The following CTDSPL variants were observed in gnomAD, a reference collection of about 807,000 sequenced individuals.
CTDSPL encodes CTD small phosphatase like.
A neutral mutation model predicts 30.5 loss-of-function variants in CTDSPL; 8 were observed. The observed-to-expected ratio is 0.26, with a 90% CI of 0.15 to 0.47. The LOEUF is 0.47. Ranked by LOEUF, CTDSPL falls within the 20% of genes least tolerant of loss-of-function variation. CTDSPL has a pLI of 0.99. For missense variants in CTDSPL, 248 were observed against 366.1 expected (o/e 0.68, Z 2.63); for synonymous variants, 110 against 137.9 (o/e 0.80, Z 1.42).
intron 1 of CTDSPL, among the ~76,000 whole-genome samples, chr3:37,898,856 G>A (rs1328015092): frequency 5.3e-5 from 8 of 152,198 alleles, no homozygotes; most frequent in African/African-American, 1.4e-4. Context: ...CTAGTTTTAT[G>A]TGTGGTCAGA....
intron 1 of CTDSPL, among the ~76,000 whole-genome samples, chr3:37,945,744 A>G (rs553148072): frequency 2.0e-5 from 3 of 151,962 alleles, no homozygotes; most frequent in Non-Finnish European, 4.4e-5. Context: ...GTGGATCTTA[A>G]ATTCATACTT....
intron 1 of CTDSPL, among the ~76,000 whole-genome samples, chr3:37,942,017 A>T (rs960323176): frequency 1.3e-5 from 2 of 149,956 alleles, no homozygotes; most frequent in African/African-American, 4.9e-5. Flanking sequence ...ATGCTTCCTG[A>T]CCTCCACTTG....
chr3:37,968,368 A>G (rs183826611), intron 5 of CTDSPL: 2 of 366,900 alleles, frequency 5.5e-6, no homozygotes, highest in Non-Finnish European at 1.1e-5. Flanking sequence ...CAAAAGAAAA[A>G]GGGGGAAGGG....
Position 37,957,113 on chromosome 3 carries a change from T to G in CTDSPL, c.237T>G (p.Gly79=), listed in dbSNP as rs1699183492. ...ATTTTTTTTTTCTTTTTCCTCAGGG[T>G]GACCAGAGGCAGGTCATTCCCATAC... ...LVEENGGLQK[G]DQRQVIPIPS... Residue 79 remains glycine, a splice_region_variant and synonymous_variant, in exon 3 of 8, where the codon GGT becomes GGG. Transcript: ENST00000273179. 1.2e-6 allele frequency: 2 copies of G among 1,600,676 alleles called. No homozygotes were observed. Among genetic ancestry groups the G allele is most frequent in the African/African-American group, 2.7e-5 (2 of 74,152 alleles).
chr3:37,877,231 A>C (rs1452051872), intron 1 of CTDSPL, among the ~76,000 whole-genome samples: 3 of 152,182 alleles, frequency 2.0e-5, no homozygotes, highest in Non-Finnish European at 4.4e-5. Context: ...TTCATATTGC[A>C]AAAACGAAAC....
chr3:37,902,222 G>A (rs1353315982), intron 1 of CTDSPL, among the ~76,000 whole-genome samples: 2 of 152,212 alleles, frequency 1.3e-5, no homozygotes, highest in African/African-American at 4.8e-5. Flanking sequence ...AAGAGTGCGT[G>A]TTTGATGGGT....
At chr3:37,897,931 C>T (rs138419357) in intron 1 of CTDSPL, among the ~76,000 whole-genome samples, 12 of 152,150 alleles carry the variant, frequency 7.9e-5, no homozygotes, top group Admixed American at 3.3e-4. Flanking sequence ...TTTGGAGTGC[C>T]GGTTATACAC....
At chr3:37,953,634 G>C (rs1699135359) in intron 2 of CTDSPL, among the ~76,000 whole-genome samples, 1 of 152,154 alleles carries the variant, frequency 6.6e-6, no homozygotes, top group South Asian at 2.1e-4. Context: ...GTTAATATCA[G>C]ATAAAGCAGA....
intron 1 of CTDSPL, among the ~76,000 whole-genome samples, chr3:37,934,425 G>T (rs1255907641): frequency 6.6e-6 from 1 of 152,066 alleles, no homozygotes; most frequent in Non-Finnish European, 1.5e-5. Context: ...AAACACTTTT[G>T]AATTCTTACT....
intron 2 of CTDSPL, among the ~76,000 whole-genome samples, chr3:37,949,226 A>T (rs149243749): frequency 6.6e-6 from 1 of 152,222 alleles, no homozygotes; most frequent in African/African-American, 2.4e-5. Flanking sequence ...GCTGGTAACA[A>T]TGTTAATTGA....
chr3:37,945,936 T>C (rs1039808104), intron 1 of CTDSPL, among the ~76,000 whole-genome samples: 9 of 152,226 alleles, frequency 5.9e-5, no homozygotes, highest in Non-Finnish European at 1.2e-4. Context: ...AACTAGGTGT[T>C]ACACAAATCA....
intron 3 of CTDSPL, among the ~76,000 whole-genome samples, chr3:37,962,994 C>CT (rs1699260009): frequency 6.6e-6 from 1 of 152,170 alleles, no homozygotes; most frequent in African/African-American, 2.4e-5. Flanking sequence ...TGATAGAAAA[C>CT]TTTTTGCAAA....
Position 37,862,179 on chromosome 3 carries a change from C to G in CTDSPL, c.-21C>G. On this transcript the variant is annotated 5_prime_UTR_variant, in exon 1 of 8. Coordinates refer to ENST00000273179, the MANE Select transcript of CTDSPL (RefSeq NM_001008392.2). This position sits in a 1 kb window ranked among gnomAD's most constrained non-coding sequence, Gnocchi z 4.3. ...GCTTGCGGGGGGCCGGGCCTGCGGG[C>G]GGCCGCCGCGCCGCGCACCCATGGA... 8.8e-7 allele frequency: 1 copy of G among 1,139,544 alleles called. No individual in the cohort carries two copies. The allele number at this position is 1,139,544 out of a possible 1,614,324, so 70.6% of individuals were successfully genotyped here.
chr3:37,904,106 T>C (rs944321570), intron 1 of CTDSPL, among the ~76,000 whole-genome samples: 1 of 152,250 alleles, frequency 6.6e-6, no homozygotes, highest in Admixed American at 6.5e-5. Flanking sequence ...AAGAATTCTA[T>C]AGGATAAAGT....
Position 37,931,419 on chromosome 3 carries a change from C to T in CTDSPL, c.80-15638C>T, listed in dbSNP as rs139072763. Reference sequence around the variant, plus strand: ...TTGCCTCAGCCTCAGCCTCCCAAAGCACTGGGATTATAGATGTGAGCCATC... The same window carrying T: ...TTGCCTCAGCCTCAGCCTCCCAAAGTACTGGGATTATAGATGTGAGCCATC... On this transcript the variant is annotated intron_variant, in intron 1 of 7. Transcript: ENST00000273179. Among the ~76,000 whole-genome samples the T allele has an allele frequency of 2.5e-3, 380 of 152,232 alleles. 1 individual carries two copies. The highest frequency in any genetic ancestry group is 8.2e-3 in the African/African-American group (341 of 41,526).
intron 2 of CTDSPL, among the ~76,000 whole-genome samples, chr3:37,953,897 A>C (rs1699138370): frequency 6.6e-6 from 1 of 152,250 alleles, no homozygotes; most frequent in African/African-American, 2.4e-5. Context: ...GAAAAGATAC[A>C]AAGTTAGTCT....
chr3:37,925,421 T>C lies in CTDSPL; in HGVS notation c.80-21636T>C, dbSNP rs115812778. On this transcript the variant is annotated intron_variant, in intron 1 of 7. Coordinates refer to ENST00000273179, the MANE Select transcript of CTDSPL (RefSeq NM_001008392.2). The stretch of plus-strand genomic sequence containing the variant: ...CGGACTCATTGAGCTTTCTGTAGAA[T>C]GTAGCAGTGGCAGCAGCTACCCTTC... Among the ~76,000 whole-genome samples, 245 of 152,336 alleles carry C rather than the reference T, an allele frequency of 1.6e-3. 2 individuals are homozygous for C. The highest frequency in any genetic ancestry group is 5.6e-3 in the African/African-American group (233 of 41,574).
At chr3:37,896,072 A>G (rs576594501) in intron 1 of CTDSPL, among the ~76,000 whole-genome samples, 3 of 152,324 alleles carry the variant, frequency 2.0e-5, no homozygotes, top group African/African-American at 7.2e-5. Context: ...TTATGAACAC[A>G]TTTGTTCTCA....
At chr3:37,929,251 G>A (rs1188749935) in intron 1 of CTDSPL, among the ~76,000 whole-genome samples, 1 of 152,050 alleles carries the variant, frequency 6.6e-6, no homozygotes, top group African/African-American at 2.4e-5. Flanking sequence ...TGATTGTTTT[G>A]GCTATTAAGG....
Sources: gnomAD v4.1 joint callset for allele counts (sites outside exome capture counted in the v4.1 genomes callset) on GRCh38, gnomAD v4.1.1 for gene constraint, Gnocchi (gnomAD v3.1) non-coding constraint, MANE v1.5 for transcripts, NCBI Gene and HGNC (gene_info 2026-07-23, HGNC 2026-07-21) for gene names.